Variants in CAMTA2 observed in about 807,000 individuals in gnomAD.
The protein encoded by CAMTA2 is calmodulin binding transcription activator 2.
A neutral mutation model predicts 135.7 loss-of-function variants in CAMTA2; 56 were observed. The observed-to-expected ratio is 0.41, with a 90% CI of 0.33 to 0.52. The LOEUF (loss-of-function observed/expected upper bound fraction) is 0.52. Among genes scored for constraint, CAMTA2 ranks in the 20% least tolerant of loss-of-function variants. The pLI, the probability that CAMTA2 is intolerant of heterozygous loss-of-function variation, is 0.16. For missense variants in CAMTA2, 1,358 were observed against 1,553.4 expected, an observed-to-expected ratio of 0.87 and a Z score of 2.11; for synonymous variants, 591 against 604.6, an observed-to-expected ratio of 0.98 and a Z score of 0.33.
rs1173602698 is a variant in CAMTA2 at position 4,982,127 on chromosome 17, C to T, written c.373G>A (p.Val125Ile). The stretch of plus-strand genomic sequence containing the variant: ...TAGCAGCGCCGATGGAATGTGGGGA[C>T]GATGGAAGAGTGAACGTAGCAGCCA... ...LYGCYVHSSI[V>I]PTFHRRCYWL... Residue 125 changes from valine (V) to isoleucine (I), a missense_variant, in exon 6 of 23, where the codon GTC becomes ATC. Transcript: ENST00000348066. 1.2e-5 allele frequency: 20 copies of T among 1,610,712 alleles called. No homozygotes were observed. Among genetic ancestry groups the T allele is most frequent in the South Asian group, 2.2e-5 (2 of 90,974 alleles).
chr17:4,979,700 T>C lies in CAMTA2; in HGVS notation c.1622A>G (p.Glu541Gly). 6.2e-7 allele frequency: 1 copy of C among 1,613,320 alleles called. No homozygotes were observed. Among genetic ancestry groups the C allele is most frequent in the Non-Finnish European group, 8.5e-7 (1 of 1,179,546 alleles). The change falls in exon 9 of 23, where the codon GAG becomes GGG. Residue 541 changes from glutamate (E) to glycine (G), a missense_variant. Physicochemically the swap from Glu to Gly is moderately conservative, Grantham distance 98 (BLOSUM62 -2). Coordinates refer to ENST00000348066, the MANE Select transcript of CAMTA2 (RefSeq NM_015099.4). ...ALSTITDFSP[E>G]WSYPEGGVKV... The stretch of plus-strand genomic sequence containing the variant: ...GAGTCTCACCTCTGGGTAGGACCAC[T>C]CTGGGGAGAAGTCTGTGATGGTGCT...
In CAMTA2 at chr17:4,984,796, G is replaced by A. The variant is rs147063364; in HGVS notation, c.135+1084C>T. On this transcript the variant is annotated intron_variant, in intron 3 of 22. Coordinates refer to ENST00000348066, the MANE Select transcript of CAMTA2 (RefSeq NM_015099.4). The stretch of plus-strand genomic sequence containing the variant: ...AGCACTGTAGGAGGCCGAGATGGGC[G>A]GATCACTAGGTCTAGAGTTCGAGAC... Among the ~76,000 whole-genome samples the A allele has an allele frequency of 1.2e-3, 182 of 152,172 alleles. 1 individual carries two copies. Among genetic ancestry groups the A allele is most frequent in the African/African-American group, 4.0e-3 (168 of 41,522 alleles).
At chr17:4,973,501 C>T (rs546574241) in intron 13 of CAMTA2, 84 bp downstream of exon 13, 4 of 1,390,000 alleles carry the variant, frequency 2.9e-6, no homozygotes, top group Non-Finnish European at 3.9e-6. Flanking sequence ...CTTGGTAGGG[C>T]CCCAGGTCCT....
chr17:4,968,770 C>T lies in CAMTA2; in HGVS notation c.3595G>A (p.Gly1199Arg). Reference sequence around the variant, plus strand: ...CGGTGGCCAGGTCATGTGGCCAGTCCCGGCTGGGGAAGCCCTTCCAGCTCC... The same window carrying T: ...CGGTGGCCAGGTCATGTGGCCAGTCTCGGCTGGGGAAGCCCTTCCAGCTCC... ...NQELEGLPQPGLAT is the reference protein window; with the variant it reads ...NQELEGLPQPRLAT Residue 1199 changes from glycine to arginine, a missense_variant, in exon 23 of 23, where the codon GGA (glycine) becomes AGA (arginine). Around this residue, in one of 4 missense-constraint regions of CAMTA2, gnomAD observed 167 missense variants for 207.0 expected, o/e 0.81. Coordinates refer to ENST00000348066, the MANE Select transcript of CAMTA2 (RefSeq NM_015099.4). 6.2e-7 allele frequency: 1 copy of T among 1,614,108 alleles called. No homozygotes were observed.
At position 4,979,925 on chromosome 17, in the gene CAMTA2, G is replaced by A; in HGVS notation, c.1397C>T (p.Pro466Leu). ...GGCAGGTGAGGGTGGGGGTGAGGGAGGGGGTGAAGGTATGGGTGGGGCAGC... is the reference window on the plus strand; with the variant it reads ...GGCAGGTGAGGGTGGGGGTGAGGGAAGGGGTGAAGGTATGGGTGGGGCAGC... ...HGAAPPIPSPPPSPPPSPAPL... is the reference protein window; with the variant it reads ...HGAAPPIPSPLPSPPPSPAPL... The change falls in exon 9 of 23, where the codon CCT becomes CTT. Residue 466 changes from proline to leucine, a missense_variant. Transcript: ENST00000348066. 2 of 1,611,928 alleles carry A rather than the reference G, an allele frequency of 1.2e-6. No homozygotes were observed. Among genetic ancestry groups the A allele is most frequent in the East Asian group, 2.2e-5 (1 of 44,848 alleles).
In CAMTA2 at chr17:4,973,344, C is replaced by G. The variant is rs2151168534; in HGVS notation, c.2202-91G>C. 3 of 1,064,992 alleles carry G rather than the reference C, an allele frequency of 2.8e-6. No homozygotes were observed. In the East Asian group the frequency reaches 7.1e-5, roughly 25 times the overall value. The allele number at this position is 1,064,992 out of a possible 1,614,324, so 66.0% of individuals were successfully genotyped here. On this transcript the variant is annotated intron_variant, in intron 13 of 22. Coordinates refer to ENST00000348066, the MANE Select transcript of CAMTA2 (RefSeq NM_015099.4). The stretch of plus-strand genomic sequence containing the variant: ...AGAAGTAAAGGCACTAGGAGGCAAG[C>G]TGTACAGGGCCGGTGGGAAGAGGCA...
chr17:4,979,137 C>T (rs1306667909), intron 9 of CAMTA2, among the ~76,000 whole-genome samples: 1 of 152,092 alleles, frequency 6.6e-6, no homozygotes, highest in Middle Eastern at 3.2e-3. Flanking sequence ...CATGCTAACA[C>T]ATGGAAGGGA....
intron 7 of CAMTA2, 147 bp from the exon 8 acceptor site, chr17:4,981,506 C>G (rs988510062): frequency 1.5e-6 from 2 of 1,300,332 alleles, no homozygotes; most frequent in African/African-American, 1.5e-5. Context: ...AGATATGTTG[C>G]TTTAGTCCTT....
chr17:4,972,444 G>T lies in CAMTA2; in HGVS notation c.2596C>A (p.Pro866Thr), dbSNP rs200839594. 3.7e-6 allele frequency: 6 copies of T among 1,613,658 alleles called. No homozygotes were observed. The highest frequency in any genetic ancestry group is 3.3e-5 in the Admixed American group (2 of 59,922). ...YSSAPDGSPPPAPLPASEMTM... is the reference protein window; with the variant it reads ...YSSAPDGSPPTAPLPASEMTM... ...ATCTCAGAGGCTGGCAGAGGTGCAG[G>T]GGGGGGACTGCCATCTGGGGCACTA... The change falls in exon 16 of 23, where the codon CCT becomes ACT. Residue 866 changes from proline to threonine, a missense_variant. This residue lies in a region of CAMTA2 where 1,077 missense variants were observed against 1,127.5 expected (regional missense o/e 0.96). Coordinates refer to ENST00000348066, the MANE Select transcript of CAMTA2 (RefSeq NM_015099.4).
Position 4,979,941 on chromosome 17 carries a change from G to T in CAMTA2, c.1381C>A (p.Pro461Thr), listed in dbSNP as rs1412213473. The change falls in exon 9 of 23, where the codon CCC (proline) becomes ACC (threonine). Residue 461 changes from proline (P) to threonine (T), a missense_variant. By Grantham distance (38) the Pro-to-Thr change is conservative. Around this residue, in one of 4 missense-constraint regions of CAMTA2, gnomAD observed 1,077 missense variants for 1,127.5 expected, o/e 0.96. Coordinates refer to ENST00000348066, the MANE Select transcript of CAMTA2 (RefSeq NM_015099.4). ...EELKGHGAAP[P>T]IPSPPPSPPP... ...GGTGAGGGAGGGGGTGAAGGTATGG[G>T]TGGGGCAGCCCCGTGACCCTTGAGC... 1 of 1,612,800 alleles carries T rather than the reference G, an allele frequency of 6.2e-7. No individual in the cohort carries two copies. Among genetic ancestry groups the T allele is most frequent in the African/African-American group, 1.3e-5 (1 of 74,858 alleles).
intron 13 of CAMTA2, 108 bp downstream of exon 13, chr17:4,973,477 G>C: frequency 8.7e-7 from 1 of 1,156,012 alleles, no homozygotes; most frequent in Non-Finnish European, 1.2e-6. Context: ...TTCCCACAAT[G>C]ACCCCAACTC....
Position 4,980,409 on chromosome 17 carries a change from G to A in CAMTA2, c.913C>T (p.Leu305=), listed in dbSNP as rs1180675802. Residue 305 remains leucine, a synonymous_variant, in exon 9 of 23, where the codon CTA becomes TTA. Transcript: ENST00000348066. The surrounding 1 kb of genome is among the most constrained non-coding windows in gnomAD (Gnocchi z 5.3). ...GTGGGAGGGCTAGGTCTGATTTCTA[G>A]GGGCTCTGCAAAACCTGATGAGGAG... ...SSSSSGFAEP[L]EIRPSPPTSR... is the part of the protein sequence containing the mutation. The A allele has an allele frequency of 1.9e-6, 3 of 1,614,016 alleles. No homozygotes were observed. In the South Asian group the frequency reaches 3.3e-5, roughly 18 times the overall value.
chr17:4,985,407 T>A (rs920209096), intron 3 of CAMTA2, among the ~76,000 whole-genome samples: 1 of 152,194 alleles, frequency 6.6e-6, no homozygotes, highest in Non-Finnish European at 1.5e-5. Context: ...AAAAGAGGGC[T>A]CCTTCAAGAT....
At position 4,972,335 on chromosome 17, in the gene CAMTA2, T is replaced by C; in HGVS notation, c.2705A>G (p.Asn902Ser). ...PLLLMDYEAT[N>S]SKGPLSSLPA... ...AAGGGAGGAGAGGGGCCCCTTGGAG[T>C]TGGTAGCCTCATAGTCCATGAGGAG... is the stretch of plus-strand genomic sequence containing the variant. Residue 902 changes from asparagine (N) to serine (S), a missense_variant, in exon 16 of 23, where the codon AAC (asparagine) becomes AGC (serine). Around this residue, in one of 4 missense-constraint regions of CAMTA2, gnomAD observed 1,077 missense variants for 1,127.5 expected, o/e 0.96. Transcript: ENST00000348066. 6.2e-7 allele frequency: 1 copy of C among 1,612,758 alleles called. No individual in the cohort carries two copies. Among genetic ancestry groups the C allele is most frequent in the Non-Finnish European group, 8.5e-7 (1 of 1,179,448 alleles).
intron 5 of CAMTA2, 171 bp from the exon 6 acceptor site, chr17:4,982,331 A>G (rs1973007885): frequency 1.6e-6 from 1 of 623,310 alleles, no homozygotes; most frequent in Non-Finnish European, 2.9e-6. Context: ...ACCCTGAGTC[A>G]TAGATGAGCA....
In CAMTA2 at chr17:4,980,187, G is replaced by C; in HGVS notation, c.1135C>G (p.Arg379Gly). ...APPSPAFDPD[R>G]FLNSPQRGQT... Reference sequence around the variant, plus strand: ...CCCCTCTGGGGGCTGTTGAGAAAACGATCAGGGTCAAAGGCAGGACTGGGA... The same window carrying C: ...CCCCTCTGGGGGCTGTTGAGAAAACCATCAGGGTCAAAGGCAGGACTGGGA... Residue 379 changes from arginine (R) to glycine (G), a missense_variant, in exon 9 of 23, where the codon CGT (arginine) becomes GGT (glycine). By Grantham distance (125) the Arg-to-Gly change is moderately radical (BLOSUM62 -2). This residue lies in a region of CAMTA2 where 1,077 missense variants were observed against 1,127.5 expected (regional missense o/e 0.96). Coordinates refer to ENST00000348066, the MANE Select transcript of CAMTA2 (RefSeq NM_015099.4). This position sits in a 1 kb window ranked among gnomAD's most constrained non-coding sequence, Gnocchi z 5.3. The C allele has an allele frequency of 6.3e-7, 1 of 1,575,796 alleles. No individual in the cohort carries two copies. The highest frequency in any genetic ancestry group is 8.6e-7 in the Non-Finnish European group (1 of 1,160,844).
rs138569878 is a variant in CAMTA2 at position 4,979,306 on chromosome 17, T to C, written c.1638+378A>G. The C allele has an allele frequency of 2.0e-4, 32 of 159,418 alleles. No individual in the cohort carries two copies. The East Asian group carries it at 5.7e-3, about 28-fold the overall frequency. The allele number at this position is 159,418 out of a possible 1,614,324, so 9.9% of individuals were successfully genotyped here. ...CAGGCAATCACCTGAGGTCAGAAGT[T>C]TGAGACCATCCTGGCCAACATGGTG... is the stretch of plus-strand genomic sequence containing the variant. On this transcript the variant is annotated intron_variant, in intron 9 of 22. Coordinates refer to ENST00000348066, the MANE Select transcript of CAMTA2 (RefSeq NM_015099.4).
At position 4,987,657 on chromosome 17, in the gene CAMTA2, C is replaced by T. The variant is rs1197166487; in HGVS notation, c.-129G>A. The T allele has an allele frequency of 6.6e-6, 10 of 1,521,146 alleles. No homozygotes were observed. Among genetic ancestry groups the T allele is most frequent in the African/African-American group, 1.4e-5 (1 of 71,276 alleles). 94.2% of individuals were successfully genotyped at this position (1,521,146 alleles called of 1,614,324 possible). A position where few individuals can be genotyped will look rare whatever the true frequency, so the allele number is the denominator to read the frequency against. On this transcript the variant is annotated 5_prime_UTR_variant, in exon 1 of 23. Transcript: ENST00000348066. ...TACCCCACACCGACCCCCCCCAGCG[C>T]CGGCTGACAGCGGCGTCTAACGTCA...
Position 4,982,816 on chromosome 17 carries a change from G to A in CAMTA2, c.280C>T (p.Arg94Trp), listed in dbSNP as rs1414512430. The A allele has an allele frequency of 6.2e-7, 1 of 1,614,014 alleles. No individual in the cohort carries two copies. The change falls in exon 5 of 23, where the codon CGG (arginine) becomes TGG (tryptophan). Residue 94 changes from arginine to tryptophan, a missense_variant. Arg to Trp is a moderately radical substitution (Grantham distance 101, BLOSUM62 -3). Transcript: ENST00000348066. ...YRKDGYLWKK[R>W]KDGKTTREDH... ...TCTCGGGTGGTCTTCCCATCCTTCC[G>A]CTTCTTCCAGAGGTAACCATCCTTC...
Sources: allele counts gnomAD v4.1 joint callset (sites outside exome capture counted in the v4.1 genomes callset), GRCh38; gene constraint gnomAD v4.1.1; regional missense constraint gnomAD v4.1.1; non-coding constraint Gnocchi (gnomAD v3.1); transcripts MANE v1.5; gene names NCBI Gene and HGNC (gene_info 2026-07-23, HGNC 2026-07-21).